The following WASHC4 variants were observed in gnomAD, a reference collection of about 807,000 sequenced individuals.
WASHC4 encodes the protein WASH complex subunit 4.
In WASHC4, 86 loss-of-function variants were observed where a neutral mutation model predicts 166.6. That is an observed-to-expected ratio of 0.52 (90% CI 0.43 to 0.62). The LOEUF is 0.62. WASHC4 is among the 20% of genes least tolerant of loss of function. The pLI is 0.00. For missense variants in WASHC4, 1,262 were observed against 1,382.4 expected (o/e 0.91, Z 1.38); for synonymous variants, 446 against 451.6 (o/e 0.99, Z 0.16).
rs140373588 is a variant in WASHC4 at position 105,108,538 on chromosome 12, A to G, written c.61+677A>G. Among the ~76,000 whole-genome samples the G allele has an allele frequency of 2.7e-3, 410 of 152,332 alleles. 4 individuals are homozygous for G. Among genetic ancestry groups the G allele is most frequent in the African/African-American group, 9.4e-3 (391 of 41,578 alleles). On this transcript the variant is annotated intron_variant, in intron 1 of 32. Transcript: ENST00000332180. ...ACAGCAAATCTTCAAATTTTGCTTCACAAGATCGAATTGTCTGATTTTAAC... is the reference window on the plus strand; with the variant it reads ...ACAGCAAATCTTCAAATTTTGCTTCGCAAGATCGAATTGTCTGATTTTAAC...
intron 26 of WASHC4, among the ~76,000 whole-genome samples, chr12:105,156,292 C>G (rs1884157936): frequency 6.6e-6 from 1 of 151,930 alleles, no homozygotes; most frequent in South Asian, 2.1e-4. Flanking sequence ...ATAAAAAAAC[C>G]TAGAGTTCAG....
chr12:105,123,674 A>G (rs1191906646), intron 10 of WASHC4, among the ~76,000 whole-genome samples: 1 of 152,246 alleles, frequency 6.6e-6, no homozygotes, highest in Non-Finnish European at 1.5e-5. Flanking sequence ...ATTAAAGTGC[A>G]AAAGCAGCAA....
chr12:105,167,476 C>T lies in WASHC4; in HGVS notation c.*545C>T, dbSNP rs946204266. 6.5e-6 allele frequency: 1 copy of T among 152,926 alleles called. No homozygotes were observed. Among genetic ancestry groups the T allele is most frequent in the African/African-American group, 2.4e-5 (1 of 41,442 alleles). The allele number at this position is 152,926 out of a possible 1,614,324, so 9.5% of individuals were successfully genotyped here. ...TATGTACTCTCAGTGTACAGTATAACTGATGATCCTTCTTTCATTGTTAAT... is the reference window on the plus strand; with the variant it reads ...TATGTACTCTCAGTGTACAGTATAATTGATGATCCTTCTTTCATTGTTAAT... On this transcript the variant is annotated 3_prime_UTR_variant, in exon 33 of 33. Coordinates refer to ENST00000332180, the MANE Select transcript of WASHC4 (RefSeq NM_015275.3).
In WASHC4 at chr12:105,107,831, G is replaced by A; in HGVS notation, c.31G>A (p.Glu11Lys). 6.4e-7 allele frequency: 1 copy of A among 1,551,184 alleles called. No homozygotes were observed. Residue 11 changes from glutamate (E) to lysine (K), a missense_variant, in exon 1 of 33, where the codon GAG becomes AAG. Transcript: ENST00000332180. MAVETLSPDWEFDRVDDGSQK... is the reference protein window; with the variant it reads MAVETLSPDWKFDRVDDGSQK... ...GGTGGAGACTCTGTCCCCGGACTGG[G>A]AGTTTGACCGCGTTGACGACGGCTC...
chr12:105,112,786 CT>C (rs2135720731), intron 2 of WASHC4, among the ~76,000 whole-genome samples: 1 of 152,174 alleles, frequency 6.6e-6, no homozygotes, highest in African/African-American at 2.4e-5. Context: ...CAAGTATTGA[CT>C]TTTAATTCCC....
intron 24 of WASHC4, chr12:105,147,830 G>A: frequency 1.7e-6 from 1 of 599,966 alleles, no homozygotes; most frequent in Non-Finnish European, 2.1e-6. Flanking sequence ...GCTTGAACCT[G>A]GGAGGCAGAG....
At chr12:105,152,743 A>T (rs1306978429) in intron 26 of WASHC4, among the ~76,000 whole-genome samples, 2 of 152,226 alleles carry the variant, frequency 1.3e-5, no homozygotes, top group Non-Finnish European at 2.9e-5. Flanking sequence ...GTAAGTACTT[A>T]CTGAATACCT....
At chr12:105,164,572 CAT>C (rs1884695787) in intron 31 of WASHC4, 67 bp from the exon 32 acceptor site, 8 of 1,064,530 alleles carry the variant, frequency 7.5e-6, no homozygotes, top group Non-Finnish European at 1.1e-5. Flanking sequence ...CATAAAAATG[CAT>C]ATATTTTTGG....
At position 105,144,243 on chromosome 12, in the gene WASHC4, A is replaced by G. The variant is rs565657918; in HGVS notation, c.2011-44A>G. ...ACATGTAGGGAAACAATACAATTGC[A>G]ATATCATTTTGAAAAATTAAAGTAT... On this transcript the variant is annotated intron_variant, in intron 20 of 32. Transcript: ENST00000332180. 1.4e-5 allele frequency: 21 copies of G among 1,493,960 alleles called. No homozygotes were observed. The East Asian group carries it at 3.6e-4, about 26-fold the overall frequency. 92.5% of individuals were successfully genotyped at this position (1,493,960 alleles called of 1,614,324 possible).
At chr12:105,153,558 A>T (rs1241693579) in intron 26 of WASHC4, among the ~76,000 whole-genome samples, 1 of 152,224 alleles carries the variant, frequency 6.6e-6, no homozygotes, top group South Asian at 2.1e-4. Flanking sequence ...TTATGGAGCA[A>T]TAGTTCTTAA....
intron 26 of WASHC4, among the ~76,000 whole-genome samples, chr12:105,154,534 G>T (rs1035458938): frequency 6.6e-6 from 1 of 152,106 alleles, no homozygotes; most frequent in Non-Finnish European, 1.5e-5. Context: ...TTTAACTCAC[G>T]TGAATCTTAC....
In WASHC4 at chr12:105,140,800, C is replaced by G. The variant is rs1451019984; in HGVS notation, c.1561-99C>G. 4 of 1,202,016 alleles carry G rather than the reference C, an allele frequency of 3.3e-6. No individual in the cohort carries two copies. The African/African-American group carries it at 4.5e-5, about 14-fold the overall frequency. The allele number at this position is 1,202,016 out of a possible 1,614,324, so 74.5% of individuals were successfully genotyped here. ...AATGGGGAAAGTATTTGTGTATGCT[C>G]TCTTAAATTGAATCATGGAAAAGAT... is the stretch of plus-strand genomic sequence containing the variant. On this transcript the variant is annotated intron_variant, in intron 16 of 32. Coordinates refer to ENST00000332180, the MANE Select transcript of WASHC4 (RefSeq NM_015275.3).
intron 14 of WASHC4, among the ~76,000 whole-genome samples, chr12:105,136,460 A>G (rs780448961): frequency 2.2e-4 from 33 of 152,124 alleles, no homozygotes; most frequent in Non-Finnish European, 1.6e-4. Context: ...AGGCTGATCT[A>G]AATTATTTAT....
chr12:105,131,017 TTGTC>T (rs1250665992), intron 13 of WASHC4, among the ~76,000 whole-genome samples: 1 of 152,142 alleles, frequency 6.6e-6, no homozygotes, highest in Non-Finnish European at 1.5e-5. Context: ...TTTGTACTCT[TTGTC>T]AGTTAACTTG....
chr12:105,150,576 G>A (rs1291258007), intron 25 of WASHC4, among the ~76,000 whole-genome samples: 1 of 152,164 alleles, frequency 6.6e-6, no homozygotes, highest in African/African-American at 2.4e-5. Flanking sequence ...TTGAGGCAAA[G>A]CATTTGAGAC....
chr12:105,109,402 A>G (rs77964566), intron 1 of WASHC4, among the ~76,000 whole-genome samples: 2 of 152,340 alleles, frequency 1.3e-5, no homozygotes, highest in South Asian at 2.1e-4. Context: ...GGATAAAAAG[A>G]TAAAACAAGG....
At chr12:105,109,590 G>T (rs1879449234) in intron 1 of WASHC4, among the ~76,000 whole-genome samples, 1 of 150,440 alleles carries the variant, frequency 6.6e-6, no homozygotes, top group Non-Finnish European at 1.5e-5. Flanking sequence ...TTTCCTGTTT[G>T]TGAATCCCTG....
chr12:105,140,910 T>G lies in WASHC4; in HGVS notation c.1572T>G (p.Ile524Met). Residue 524 changes from isoleucine (I) to methionine (M), a missense_variant, in exon 17 of 33, where the codon ATT becomes ATG. Coordinates refer to ENST00000332180, the MANE Select transcript of WASHC4 (RefSeq NM_015275.3). ...GTTTTATTTTTAAGAAAAGAGTGAT[T>G]TCTGACAAAAAATACAGCGAACAGC... is the stretch of plus-strand genomic sequence containing the variant. ...HSISVAKKRV[I>M]SDKKYSEQRL... The G allele has an allele frequency of 6.2e-7, 1 of 1,614,012 alleles. No individual in the cohort carries two copies. The highest frequency in any genetic ancestry group is 8.5e-7 in the Non-Finnish European group (1 of 1,180,000).
At chr12:105,146,674 A>G (rs906903071) in intron 23 of WASHC4, 148 bp downstream of exon 23, 2 of 637,698 alleles carry the variant, frequency 3.1e-6, no homozygotes, top group Admixed American at 2.9e-5. Context: ...TGCCTTGATT[A>G]TACCAGTTGT....
Sources: gnomAD v4.1 joint callset for allele counts (sites outside exome capture counted in the v4.1 genomes callset) on GRCh38, gnomAD v4.1.1 for gene constraint, MANE v1.5 for transcripts, NCBI Gene and HGNC (gene_info 2026-07-23, HGNC 2026-07-21) for gene names.